The following ZNF670 variants were observed in gnomAD, a reference collection of about 807,000 sequenced individuals.
The protein encoded by ZNF670 is zinc finger protein 670.
A neutral mutation model predicts 10.9 loss-of-function variants in ZNF670; 7 were observed. That is an observed-to-expected ratio of 0.64 (90% CI 0.36 to 1.20). ZNF670 has a LOEUF of 1.20. ZNF670 is among the 50% of genes most tolerant of loss of function. The probability of loss-of-function intolerance (pLI) is 0.02; values close to 1 mark genes in which losing one functional copy is unlikely to be tolerated. For synonymous variants in ZNF670, 136 were observed against 152.7 expected, an observed-to-expected ratio of 0.89 and a Z score of 0.81; for missense variants, 446 against 458.6, an observed-to-expected ratio of 0.97 and a Z score of 0.25.
chr1:247,053,517 T>C (rs1558341343), intron 1 of ZNF670, among the ~76,000 whole-genome samples: 1 of 152,234 alleles, frequency 6.6e-6, no homozygotes, highest in South Asian at 2.1e-4. Flanking sequence ...GCGCCTGTAG[T>C]CCCAGCTACT....
intron 1 of ZNF670, among the ~76,000 whole-genome samples, chr1:247,075,541 G>C (rs1234160362): frequency 1.3e-5 from 2 of 152,178 alleles, no homozygotes; most frequent in African/African-American, 4.8e-5. Context: ...GGAGGTAATT[G>C]AATCATGGGG....
intron 1 of ZNF670, among the ~76,000 whole-genome samples, chr1:247,045,860 A>T (rs1670432107): frequency 6.6e-6 from 1 of 152,194 alleles, no homozygotes. Flanking sequence ...AGAAATATGG[A>T]CAGTGAAAGC....
chr1:247,037,389 A>C lies in ZNF670; in HGVS notation c.*60T>G, dbSNP rs1381900850. On this transcript the variant is annotated 3_prime_UTR_variant, in exon 4 of 4. Coordinates refer to ENST00000366503, the MANE Select transcript of ZNF670 (RefSeq NM_033213.5). Reference sequence around the variant, plus strand: ...TTTCACGTGTTCTAATGAAACTAGAATAACTGAAAGCTTTAACACACTTCT... The same window carrying C: ...TTTCACGTGTTCTAATGAAACTAGACTAACTGAAAGCTTTAACACACTTCT... 1 of 1,507,668 alleles carries C rather than the reference A, an allele frequency of 6.6e-7. No homozygotes were observed. The highest frequency in any genetic ancestry group is 1.4e-5 in the African/African-American group (1 of 71,552). The allele number at this position is 1,507,668 out of a possible 1,614,324, so 93.4% of individuals were successfully genotyped here. A position where few individuals can be genotyped will look rare whatever the true frequency, so the allele number is the denominator to read the frequency against.
chr1:247,038,530 A>G, intron 3 of ZNF670, 103 bp from the exon 4 acceptor site: 1 of 1,227,470 alleles, frequency 8.1e-7, no homozygotes, highest in Non-Finnish European at 1.1e-6. Flanking sequence ...AAATTGTTTT[A>G]AAGTAAATAA....
intron 1 of ZNF670, among the ~76,000 whole-genome samples, chr1:247,056,561 C>G (rs1003595222): frequency 1.3e-5 from 2 of 151,956 alleles, no homozygotes; most frequent in African/African-American, 4.8e-5. Flanking sequence ...ATACCTACAT[C>G]AAAAAAAGAG....
chr1:247,045,939 C>T (rs115816798), intron 1 of ZNF670, among the ~76,000 whole-genome samples: 3,911 of 152,230 alleles, frequency 0.026, 193 homozygotes, highest in African/African-American at 0.089. Flanking sequence ...ACCCATGTTA[C>T]ACCCTGGCAA....
intron 1 of ZNF670, among the ~76,000 whole-genome samples, chr1:247,054,983 T>G (rs1478391708): frequency 1.3e-5 from 2 of 151,996 alleles, no homozygotes; most frequent in African/African-American, 4.8e-5. Flanking sequence ...TGGTCTTTGG[T>G]AAAACTCCTT....
intron 1 of ZNF670, among the ~76,000 whole-genome samples, chr1:247,059,380 A>C (rs1053039008): frequency 1.3e-5 from 2 of 152,134 alleles, no homozygotes; most frequent in African/African-American, 4.8e-5. Context: ...TGGGAGGCTG[A>C]GCTTGCAGTG....
rs1671125186 is a variant in ZNF670, at chr1:247,071,909, GTGC to G, written c.3+6682_3+6684del. Among the ~76,000 whole-genome samples the G allele has an allele frequency of 2.0e-5, 3 of 148,206 alleles. No homozygotes were observed. In the South Asian group the frequency reaches 6.4e-4, roughly 32 times the overall value. Reference sequence around the variant, plus strand: ...GTCTCACTCTGTTGCCCAGGCTGGAGTGCAGTGGTGCAATCTCGGCTCACTGCA... The same window carrying G: ...GTCTCACTCTGTTGCCCAGGCTGGAGAGTGGTGCAATCTCGGCTCACTGCA... On this transcript the variant is annotated intron_variant, in intron 1 of 3. Transcript: ENST00000366503.
At chr1:247,070,195 G>A (rs940428531) in intron 1 of ZNF670, among the ~76,000 whole-genome samples, 12 of 152,128 alleles carry the variant, frequency 7.9e-5, no homozygotes, top group African/African-American at 2.9e-4. Context: ...AATGTGGCCA[G>A]GCATGGTAGC....
intron 1 of ZNF670, among the ~76,000 whole-genome samples, chr1:247,050,106 G>A (rs1670556231): frequency 6.6e-6 from 1 of 152,130 alleles, no homozygotes; most frequent in Admixed American, 6.5e-5. Context: ...CCTGTCTAGT[G>A]CTGTCAGTGG....
chr1:247,074,629 T>C (rs886745338), intron 1 of ZNF670, among the ~76,000 whole-genome samples: 1 of 152,134 alleles, frequency 6.6e-6, no homozygotes, highest in Non-Finnish European at 1.5e-5. Context: ...TGGGGATAGT[T>C]TTGGGACCAC....
At chr1:247,056,175 T>C (rs1670711330) in intron 1 of ZNF670, among the ~76,000 whole-genome samples, 1 of 151,206 alleles carries the variant, frequency 6.6e-6, no homozygotes, top group Non-Finnish European at 1.5e-5. Flanking sequence ...GTAGACCAAA[T>C]GGCCCTAATA....
chr1:247,057,236 A>T (rs1670741935), intron 1 of ZNF670, among the ~76,000 whole-genome samples: 1 of 152,236 alleles, frequency 6.6e-6, no homozygotes. Context: ...AATGGTAAAC[A>T]GGTATATGAA....
At chr1:247,053,181 C>T (rs753932670) in intron 1 of ZNF670, among the ~76,000 whole-genome samples, 19 of 152,182 alleles carry the variant, frequency 1.2e-4, no homozygotes, top group Non-Finnish European at 2.1e-4. Context: ...AGAAGGGCTG[C>T]GATCTTGCCC....
chr1:247,042,776 T>C (rs1181502205), intron 1 of ZNF670: 4 of 461,662 alleles, frequency 8.7e-6, no homozygotes, highest in African/African-American at 2.0e-5. Flanking sequence ...CTTCCTAGGT[T>C]GAGTTCTGAG....
At chr1:247,052,906 T>C (rs1670631567) in intron 1 of ZNF670, among the ~76,000 whole-genome samples, 2 of 152,276 alleles carry the variant, frequency 1.3e-5, no homozygotes, top group South Asian at 2.1e-4. Flanking sequence ...AGAAGAACCA[T>C]CAGACTGGGG....
chr1:247,043,613 G>A, intron 1 of ZNF670: 1 of 576,012 alleles, frequency 1.7e-6, no homozygotes, highest in Non-Finnish European at 3.4e-6. Flanking sequence ...GCAGATGTCA[G>A]AATAACATCA....
Position 247,034,700 on chromosome 1 carries a change from ATTC to A in ZNF670, c.*2746_*2748del, listed in dbSNP as rs1670106237. Among the ~76,000 whole-genome samples the A allele has an allele frequency of 6.6e-6, 1 of 152,200 alleles. No individual in the cohort carries two copies. Among genetic ancestry groups the A allele is most frequent in the African/African-American group, 2.4e-5 (1 of 41,454 alleles). On this transcript the variant is annotated 3_prime_UTR_variant, in exon 4 of 4. Transcript: ENST00000366503. ...GCTTAATTCTCCCCAGCATGGGGACATTCTTCCTTTCTGCAACTTCACACACAC... is the reference window on the plus strand; with the variant it reads ...GCTTAATTCTCCCCAGCATGGGGACATTCCTTTCTGCAACTTCACACACAC...
Sources: gnomAD v4.1 joint callset for allele counts (sites outside exome capture counted in the v4.1 genomes callset) on GRCh38, gnomAD v4.1.1 for gene constraint, MANE v1.5 for transcripts, NCBI Gene and HGNC (gene_info 2026-07-23, HGNC 2026-07-21) for gene names.